Variants in ENTREP2 observed in about 807,000 individuals in gnomAD.
The protein encoded by ENTREP2 is endosomal transmembrane epsin interactor 2.
chr15:29,161,212 G>C, the ENTREP2 span, among the ~76,000 whole-genome samples: 1 of 152,176 alleles, frequency 6.6e-6, no homozygotes, highest in Non-Finnish European at 1.5e-5. Flanking sequence ...GGCTGTGTTT[G>C]CACCAAGAAA....
the ENTREP2 span, among the ~76,000 whole-genome samples, chr15:29,556,544 A>C: frequency 6.6e-6 from 1 of 152,208 alleles, no homozygotes; most frequent in East Asian, 1.9e-4. Context: ...TTTCATGCCC[A>C]AAAAATGTCA....
the ENTREP2 span, among the ~76,000 whole-genome samples, chr15:29,404,964 A>T: frequency 5.9e-5 from 9 of 151,386 alleles, no homozygotes; most frequent in Non-Finnish European, 1.2e-4. Flanking sequence ...CCCGGCCCCC[A>T]GTTCCTCCCT....
the ENTREP2 span, among the ~76,000 whole-genome samples, chr15:29,403,587 T>C: frequency 6.6e-6 from 1 of 152,232 alleles, no homozygotes; most frequent in African/African-American, 2.4e-5. Context: ...GAACTGAAGC[T>C]GTCTGGTAGA....
At chr15:29,188,542 G>A in the ENTREP2 span, among the ~76,000 whole-genome samples, 1 of 152,124 alleles carries the variant, frequency 6.6e-6, no homozygotes. Context: ...AGTTTTCTGA[G>A]AATGATGGTT....
chr15:29,363,350 C>T, the ENTREP2 span, among the ~76,000 whole-genome samples: 1 of 152,098 alleles, frequency 6.6e-6, no homozygotes, highest in Non-Finnish European at 1.5e-5. Flanking sequence ...GAAAGCCTTG[C>T]AGGCTTTCTA....
chr15:29,214,133 A>T, the ENTREP2 span, among the ~76,000 whole-genome samples: 1 of 152,196 alleles, frequency 6.6e-6, no homozygotes, highest in Non-Finnish European at 1.5e-5. Context: ...CAGTGTGGCA[A>T]TTCCTCAAGG....
the ENTREP2 span, among the ~76,000 whole-genome samples, chr15:29,671,577 A>G: frequency 7.9e-5 from 12 of 152,202 alleles, no homozygotes; most frequent in African/African-American, 2.7e-4. Flanking sequence ...TTGGTGTGAG[A>G]AGTGTTTGAG....
At chr15:29,572,063 A>G in the ENTREP2 span, among the ~76,000 whole-genome samples, 1 of 152,184 alleles carries the variant, frequency 6.6e-6, no homozygotes, top group Non-Finnish European at 1.5e-5. Context: ...ACCGTTAGAG[A>G]TATTGATTCC....
the ENTREP2 span, chr15:29,269,254 G>C: frequency 6.2e-7 from 1 of 1,614,170 alleles, no homozygotes; most frequent in South Asian, 1.1e-5. Flanking sequence ...GAGGATGTAA[G>C]TGTTGCTCTT....
the ENTREP2 span, among the ~76,000 whole-genome samples, chr15:29,560,464 C>G: frequency 1.3e-5 from 2 of 152,146 alleles, no homozygotes; most frequent in Non-Finnish European, 2.9e-5. Context: ...CTCCTGCTGA[C>G]CAGCTGCAGT....
the ENTREP2 span, among the ~76,000 whole-genome samples, chr15:29,231,761 ATTCG>A: frequency 6.6e-6 from 1 of 152,096 alleles, no homozygotes; most frequent in East Asian, 1.9e-4. Flanking sequence ...TAATTTACCA[ATTCG>A]TTCATTCTTT....
At chr15:29,369,079 G>C in the ENTREP2 span, among the ~76,000 whole-genome samples, 1 of 152,102 alleles carries the variant, frequency 6.6e-6, no homozygotes, top group Non-Finnish European at 1.5e-5. Flanking sequence ...CCTAAGAAGT[G>C]TGTGAGCCAT....
the ENTREP2 span, among the ~76,000 whole-genome samples, chr15:29,119,253 G>A: frequency 2.0e-5 from 3 of 152,166 alleles, no homozygotes. Flanking sequence ...ATATGCACTC[G>A]CTCTGAATGA....
chr15:29,325,536 C>T, the ENTREP2 span, among the ~76,000 whole-genome samples: 2 of 151,816 alleles, frequency 1.3e-5, no homozygotes, highest in African/African-American at 4.8e-5. Context: ...TACAAATGAC[C>T]AAAACTCATA....
At chr15:29,192,343 AC>A in the ENTREP2 span, among the ~76,000 whole-genome samples, 1 of 152,184 alleles carries the variant, frequency 6.6e-6, no homozygotes, top group South Asian at 2.1e-4. Flanking sequence ...AGAATTCTGC[AC>A]CCAGGGGGAA....
chr15:29,293,471 T>A, the ENTREP2 span, among the ~76,000 whole-genome samples: 1 of 151,868 alleles, frequency 6.6e-6, no homozygotes, highest in Non-Finnish European at 1.5e-5. Flanking sequence ...TTAGCCAGGA[T>A]GGTCTCGATC....
the ENTREP2 span, among the ~76,000 whole-genome samples, chr15:29,135,912 C>A: frequency 2.0e-5 from 3 of 152,092 alleles, no homozygotes; most frequent in Admixed American, 2.0e-4. The surrounding 1 kb of genome is among the most constrained non-coding windows in gnomAD (Gnocchi z 7.4). Context: ...CCTGGGTACT[C>A]GGTCCATGGA....
the ENTREP2 span, among the ~76,000 whole-genome samples, chr15:29,224,733 C>T: frequency 6.6e-6 from 1 of 152,230 alleles, no homozygotes; most frequent in South Asian, 2.1e-4. Context: ...CTGGCTTCAC[C>T]CAGTGGATCC....
At chr15:29,532,914 C>A in the ENTREP2 span, among the ~76,000 whole-genome samples, 1 of 152,268 alleles carries the variant, frequency 6.6e-6, no homozygotes, top group African/African-American at 2.4e-5. Flanking sequence ...AAGATTACAG[C>A]CAAGACTCTC....
Sources: allele counts gnomAD v4.1 joint callset (sites outside exome capture counted in the v4.1 genomes callset), GRCh38; gene constraint gnomAD v4.1.1; non-coding constraint Gnocchi (gnomAD v3.1); transcripts MANE v1.5; gene names NCBI Gene and HGNC (gene_info 2026-07-23, HGNC 2026-07-21).